Variants in MGAT5 observed in about 807,000 individuals in gnomAD.
MGAT5 encodes the protein alpha-1,6-mannosylglycoprotein 6-beta-N-acetylglucosaminyltransferase.
A neutral mutation model predicts 94.3 loss-of-function variants in MGAT5; 30 were observed. The observed-to-expected ratio is 0.32, with a 90% CI of 0.24 to 0.43. The LOEUF (loss-of-function observed/expected upper bound fraction) is 0.43, where lower values mean the gene tolerates loss of function less well. Ranked by LOEUF, MGAT5 falls within the 20% of genes least tolerant of loss-of-function variation. MGAT5 has a pLI of 1.00. For missense variants in MGAT5, 691 were observed against 905.5 expected (o/e 0.76, Z 3.04); for synonymous variants, 310 against 322.9 (o/e 0.96, Z 0.43).
chr2:134,219,595 G>T (rs1379930585), intron 1 of MGAT5, among the ~76,000 whole-genome samples: 1 of 152,110 alleles, frequency 6.6e-6, no homozygotes, highest in African/African-American at 2.4e-5. Flanking sequence ...AAGTCACAAG[G>T]CTGGCATGGG....
intron 1 of MGAT5, among the ~76,000 whole-genome samples, chr2:134,159,188 CGTGTGTGTGTGTGTGTGTGT>C (rs138643972): frequency 6.9e-6 from 1 of 144,100 alleles, no homozygotes; most frequent in Non-Finnish European, 1.5e-5. Context: ...GGTCTAAATT[CGTGTGTGTGTGTGTGTGTGT>C]GTGTGTGTGT....
At chr2:134,280,891 G>A (rs138599107) in intron 2 of MGAT5, among the ~76,000 whole-genome samples, 75 of 152,310 alleles carry the variant, frequency 4.9e-4, no homozygotes, top group African/African-American at 1.7e-3. Flanking sequence ...TCACTCCTGG[G>A]CCAGGCATGT....
intron 13 of MGAT5, among the ~76,000 whole-genome samples, chr2:134,425,572 T>A (rs3791314): frequency 0.3 from 45,605 of 151,958 alleles, 8,071 homozygotes; most frequent in African/African-American, 0.48. Context: ...ATGGTTAGTA[T>A]ATGGAGGAGC....
At chr2:134,323,714 C>G (rs759708285) in intron 4 of MGAT5, among the ~76,000 whole-genome samples, 5 of 152,050 alleles carry the variant, frequency 3.3e-5, no homozygotes, top group Non-Finnish European at 7.4e-5. Flanking sequence ...ATGAATAGAT[C>G]TTCATTGCTA....
Position 134,356,109 on chromosome 2 carries a change from C to A in MGAT5, c.1247-6166C>A, listed in dbSNP as rs147565858. Among the ~76,000 whole-genome samples, 46 of 152,294 alleles carry A rather than the reference C, an allele frequency of 3.0e-4. 2 individuals are homozygous for A. Among genetic ancestry groups the A allele is most frequent in the African/African-American group, 8.9e-4 (37 of 41,542 alleles). On this transcript the variant is annotated intron_variant, in intron 9 of 15. Coordinates refer to ENST00000281923, the MANE Select transcript of MGAT5 (RefSeq NM_002410.5). ...CCTGCAACATTTTGGCTATCATTCACAATGTGAAGACACACAAGAATTTGC... is the reference window on the plus strand; with the variant it reads ...CCTGCAACATTTTGGCTATCATTCAAAATGTGAAGACACACAAGAATTTGC...
chr2:134,200,486 T>C (rs986680908), intron 1 of MGAT5, among the ~76,000 whole-genome samples: 7 of 152,206 alleles, frequency 4.6e-5, no homozygotes, highest in Non-Finnish European at 7.3e-5. Context: ...TTTCTTCTTT[T>C]CTCTGTTGAG....
chr2:134,270,398 C>A lies in MGAT5; in HGVS notation c.254C>A (p.Thr85Asn). ...GVMTAYDLKK[T>N]LAVLLDNILQ... is the part of the protein sequence containing the mutation. The stretch of plus-strand genomic sequence containing the variant: ...CTTTCTTTTACAGATCTGAAGAAAA[C>A]CCTTGCTGTGTTATTAGATAACATT... Residue 85 changes from threonine (T) to asparagine (N), a missense_variant, in exon 2 of 16, where the codon ACC (threonine) becomes AAC (asparagine). Physicochemically the swap from Thr to Asn is moderately conservative, Grantham distance 65. This residue lies in a region of MGAT5 where 307 missense variants were observed against 335.4 expected (regional missense o/e 0.92). Coordinates refer to ENST00000281923, the MANE Select transcript of MGAT5 (RefSeq NM_002410.5). The A allele has an allele frequency of 6.2e-7, 1 of 1,613,964 alleles. No homozygotes were observed. The highest frequency in any genetic ancestry group is 8.5e-7 in the Non-Finnish European group (1 of 1,179,912).
intron 2 of MGAT5, among the ~76,000 whole-genome samples, chr2:134,273,036 C>A (rs550969186): frequency 1.4e-5 from 2 of 146,934 alleles, no homozygotes; most frequent in African/African-American, 5.0e-5. Flanking sequence ...CGCGCGTGCG[C>A]GTGCATGCAT....
chr2:134,213,378 A>G (rs1197162926), intron 1 of MGAT5, among the ~76,000 whole-genome samples: 2 of 147,970 alleles, frequency 1.4e-5, no homozygotes, highest in Non-Finnish European at 1.5e-5. Context: ...GAAGAGGGTC[A>G]GTGTCAAAAA....
chr2:134,344,943 G>T lies in MGAT5; in HGVS notation c.991G>T (p.Val331Phe), dbSNP rs917178387. The T allele has an allele frequency of 6.2e-7, 1 of 1,613,318 alleles. No individual in the cohort carries two copies. Among genetic ancestry groups the T allele is most frequent in the Non-Finnish European group, 8.5e-7 (1 of 1,179,552 alleles). The change falls in exon 8 of 16, where the codon GTT becomes TTT. Residue 331 changes from valine (V) to phenylalanine (F), a missense_variant. By Grantham distance (50) the Val-to-Phe change is conservative (BLOSUM62 -1). Transcript: ENST00000281923. The part of the protein sequence containing the change: ...LAELKEIMKK[V>F]VGNRSGCPTV... The stretch of plus-strand genomic sequence containing the variant: ...CCGTTTCTCTAGAATCATGAAGAAG[G>T]TTGTAGGAAACCGATCTGGCTGCCC...
intron 1 of MGAT5, among the ~76,000 whole-genome samples, chr2:134,180,894 G>A (rs915616443): frequency 6.6e-6 from 1 of 152,120 alleles, no homozygotes; most frequent in African/African-American, 2.4e-5. Flanking sequence ...CTTTTCAAGG[G>A]GCACATTTTT....
At chr2:134,441,459 G>A (rs7564649) in intron 14 of MGAT5, among the ~76,000 whole-genome samples, 2,397 of 152,292 alleles carry the variant, frequency 0.016, 51 homozygotes, top group African/African-American at 0.054. Flanking sequence ...CACCCTTCAC[G>A]GGCAGGCGTG....
intron 1 of MGAT5, among the ~76,000 whole-genome samples, chr2:134,186,080 G>A (rs907452747): frequency 6.6e-6 from 1 of 152,224 alleles, no homozygotes; most frequent in Non-Finnish European, 1.5e-5. Flanking sequence ...TGCAACTTGA[G>A]GGAAAGAAAG....
chr2:134,167,779 A>G (rs1280896626), intron 1 of MGAT5, among the ~76,000 whole-genome samples: 3 of 152,232 alleles, frequency 2.0e-5, no homozygotes, highest in African/African-American at 7.2e-5. Context: ...GTCTCCCAGC[A>G]TGGTTTCATC....
intron 10 of MGAT5, among the ~76,000 whole-genome samples, chr2:134,387,332 A>ATATATATATATATATTT: frequency 2.9e-4 from 7 of 24,254 alleles, no homozygotes; most frequent in South Asian, 3.4e-3. Context: ...ATATATATAT[A>ATATATATATATATATTT]TTTTTTTTTT....
intron 2 of MGAT5, among the ~76,000 whole-genome samples, chr2:134,283,720 G>C (rs942852665): frequency 2.1e-5 from 3 of 141,620 alleles, no homozygotes; most frequent in African/African-American, 8.1e-5. Context: ...TGGCTTTGAG[G>C]CTTCAGAATC....
intron 10 of MGAT5, among the ~76,000 whole-genome samples, chr2:134,378,740 C>T (rs1448350046): frequency 6.6e-6 from 1 of 151,938 alleles, no homozygotes; most frequent in African/African-American, 2.4e-5. Flanking sequence ...CTCAGCCTCC[C>T]TAGTAGCTGG....
chr2:134,249,935 C>T (rs1438910667), upstream of MGAT5, among the ~76,000 whole-genome samples: 5 of 152,252 alleles, frequency 3.3e-5, no homozygotes, highest in African/African-American at 1.2e-4. Context: ...TTGTTCTTAT[C>T]TGTATGTCCT....
At chr2:134,380,060 T>C (rs550754864) in intron 10 of MGAT5, among the ~76,000 whole-genome samples, 1 of 152,352 alleles carries the variant, frequency 6.6e-6, no homozygotes, top group African/African-American at 2.4e-5. Flanking sequence ...GTGCATAGTA[T>C]AGTGTCTGGC....
Sources: allele counts gnomAD v4.1 joint callset (sites outside exome capture counted in the v4.1 genomes callset), GRCh38; gene constraint gnomAD v4.1.1; regional missense constraint gnomAD v4.1.1; transcripts MANE v1.5; gene names NCBI Gene and HGNC (gene_info 2026-07-23, HGNC 2026-07-21).